The following RALYL variants were observed in gnomAD, a reference collection of about 807,000 sequenced individuals.
RALYL encodes RALY RNA binding protein like.
A neutral mutation model predicts 35.1 loss-of-function variants in RALYL; 29 were observed. The ratio of observed to expected loss-of-function variants is 0.83; its 90% CI spans 0.61 to 1.13. The LOEUF (loss-of-function observed/expected upper bound fraction) is 1.13. Ranked by LOEUF, RALYL falls within the 50% of genes most tolerant of loss-of-function variation. The pLI, the probability that RALYL is intolerant of heterozygous loss-of-function variation, is 0.00. For missense variants in RALYL, 359 were observed against 360.4 expected (o/e 1.00, Z 0.03); for synonymous variants, 120 against 127.6 (o/e 0.94, Z 0.40).
At chr8:84,422,078 G>A (rs1394055682) in intron 1 of RALYL, among the ~76,000 whole-genome samples, 1 of 151,502 alleles carries the variant, frequency 6.6e-6, no homozygotes, top group Admixed American at 6.6e-5. Flanking sequence ...GAGTTAGGGA[G>A]GATTCCCTCT....
chr8:84,410,470 G>A (rs907327419), intron 1 of RALYL, among the ~76,000 whole-genome samples: 6 of 151,766 alleles, frequency 4.0e-5, no homozygotes, highest in South Asian at 2.1e-4. Flanking sequence ...CATAATAAGC[G>A]TAAGCTTTCA....
chr8:84,589,100 G>A (rs547752943), intron 2 of RALYL, among the ~76,000 whole-genome samples: 7 of 152,166 alleles, frequency 4.6e-5, no homozygotes, highest in African/African-American at 1.7e-4. Context: ...GTTTCACCAT[G>A]CTGGTCAGGC....
chr8:84,488,095 T>A (rs145154756), intron 1 of RALYL, among the ~76,000 whole-genome samples: 1 of 152,162 alleles, frequency 6.6e-6, no homozygotes, highest in East Asian at 1.9e-4. Flanking sequence ...TAACAGGAAA[T>A]AATTTATCAT....
chr8:84,814,881 CT>C (rs1169822940), intron 4 of RALYL, among the ~76,000 whole-genome samples: 1 of 152,170 alleles, frequency 6.6e-6, no homozygotes, highest in African/African-American at 2.4e-5. Context: ...GGCATGAAAG[CT>C]CATCCCAAGT....
chr8:84,227,302 C>T (rs1301700519), intron 1 of RALYL, among the ~76,000 whole-genome samples: 1 of 151,872 alleles, frequency 6.6e-6, no homozygotes, highest in African/African-American at 2.4e-5. Flanking sequence ...TCATGATCCA[C>T]CCGCCTCGGT....
At chr8:84,620,985 T>A (rs1002896203) in intron 2 of RALYL, among the ~76,000 whole-genome samples, 1 of 152,152 alleles carries the variant, frequency 6.6e-6, no homozygotes, top group Non-Finnish European at 1.5e-5. Context: ...GGAGAACCAC[T>A]GCTCTCTTCA....
In RALYL at chr8:84,638,912, A is replaced by G. The variant is rs1331223867; in HGVS notation, c.256+109335A>G. On this transcript the variant is annotated intron_variant, in intron 2 of 8. Transcript: ENST00000521268. ...TATATATATATATATATATATATATATATATATATTCTCTCACAATATAAC... is the reference window on the plus strand; with the variant it reads ...TATATATATATATATATATATATATGTATATATATTCTCTCACAATATAAC... Among the ~76,000 whole-genome samples, 5 of 127,304 alleles carry G rather than the reference A, an allele frequency of 3.9e-5. 1 individual carries two copies. 83.5% of individuals were successfully genotyped at this position (127,304 alleles called of 152,430 possible).
chr8:84,260,189 G>A (rs1403620692), intron 1 of RALYL, among the ~76,000 whole-genome samples: 1 of 152,098 alleles, frequency 6.6e-6, no homozygotes. Context: ...CCAGAAACAT[G>A]CAATTTACCC....
chr8:84,840,541 C>T (rs934438564), intron 4 of RALYL, among the ~76,000 whole-genome samples: 6 of 152,194 alleles, frequency 3.9e-5, no homozygotes, highest in African/African-American at 1.4e-4. Flanking sequence ...GGAAAACACT[C>T]TGCAGGATAT....
chr8:84,899,278 G>A (rs1327043037), intron 8 of RALYL, among the ~76,000 whole-genome samples: 1 of 151,392 alleles, frequency 6.6e-6, no homozygotes, highest in East Asian at 2.0e-4. Flanking sequence ...TTTGTACATA[G>A]CTCCTCACAC....
intron 1 of RALYL, among the ~76,000 whole-genome samples, chr8:84,461,603 T>G (rs1654988940): frequency 6.6e-6 from 1 of 151,726 alleles, no homozygotes. Flanking sequence ...AACATGTCTG[T>G]TTTTTCAGTT....
At chr8:84,192,759 T>C (rs368695830) in intron 1 of RALYL, among the ~76,000 whole-genome samples, 5 of 151,884 alleles carry the variant, frequency 3.3e-5, no homozygotes, top group Admixed American at 6.6e-5. Flanking sequence ...AGTTTCACCA[T>C]GTTGACCAGG....
intron 1 of RALYL, among the ~76,000 whole-genome samples, chr8:84,282,728 GTATC>G (rs1338753509): frequency 1.4e-5 from 2 of 138,492 alleles, no homozygotes; most frequent in Admixed American, 7.9e-5. Flanking sequence ...GTATATATAT[GTATC>G]TATATATGTG....
chr8:84,670,906 C>T lies in RALYL; in HGVS notation c.257-103673C>T, dbSNP rs184840952. ...GAATCATGCCTTCCCAACAGTCACC[C>T]GAAGTCTTAACTCATTTCATCATTA... On this transcript the variant is annotated intron_variant, in intron 2 of 8. Transcript: ENST00000521268. Among the ~76,000 whole-genome samples, 200 of 152,262 alleles carry T rather than the reference C, an allele frequency of 1.3e-3. 3 individuals are homozygous for T. The East Asian group carries it at 0.026, about 20-fold the overall frequency.
intron 1 of RALYL, among the ~76,000 whole-genome samples, chr8:84,443,303 A>G (rs955902401): frequency 6.6e-6 from 1 of 152,074 alleles, no homozygotes; most frequent in Non-Finnish European, 1.5e-5. Flanking sequence ...TACCTCTGTA[A>G]CTGTTTGGAT....
At chr8:84,484,107 G>A (rs556053750) in intron 1 of RALYL, among the ~76,000 whole-genome samples, 134 of 152,076 alleles carry the variant, frequency 8.8e-4, no homozygotes, top group Non-Finnish European at 1.6e-3. Flanking sequence ...AAGAGAAAAG[G>A]GTTCAATAAA....
intron 3 of RALYL, among the ~76,000 whole-genome samples, chr8:84,793,454 G>A (rs1358118000): frequency 6.6e-6 from 1 of 152,182 alleles, no homozygotes; most frequent in Non-Finnish European, 1.5e-5. Flanking sequence ...GACCATTCGA[G>A]ACATTGACAA....
Position 84,265,796 on chromosome 8 carries a change from G to A in RALYL, c.-24+81372G>A, listed in dbSNP as rs148776372. 5.8e-3 allele frequency among the ~76,000 whole-genome samples: 877 copies of A among 152,220 alleles called. 10 individuals carry two copies. Among genetic ancestry groups the A allele is most frequent in the African/African-American group, 0.019 (806 of 41,536 alleles). Reference sequence around the variant, plus strand: ...TGATAGTACCATCCTTTACCTAATCGTTCCTGAATCTGTCACTCACCACCT... The same window carrying A: ...TGATAGTACCATCCTTTACCTAATCATTCCTGAATCTGTCACTCACCACCT... On this transcript the variant is annotated intron_variant, in intron 1 of 8. Transcript: ENST00000521268.
At chr8:84,569,871 C>A (rs1365402696) in intron 2 of RALYL, among the ~76,000 whole-genome samples, 1 of 151,332 alleles carries the variant, frequency 6.6e-6, no homozygotes, top group African/African-American at 2.4e-5. Flanking sequence ...TATTTTTGAC[C>A]CTATTGTCAA....
Sources: gnomAD v4.1 joint callset for allele counts (sites outside exome capture counted in the v4.1 genomes callset) on GRCh38, gnomAD v4.1.1 for gene constraint, MANE v1.5 for transcripts, NCBI Gene and HGNC (gene_info 2026-07-23, HGNC 2026-07-21) for gene names.